SLC4A10: variants seen among roughly 807,000 people sequenced by gnomAD.
SLC4A10 encodes sodium-driven chloride bicarbonate exchanger.
SLC4A10 carries 42 observed loss-of-function variants against 137.7 expected under a neutral mutation model. That is an observed-to-expected ratio of 0.30 (90% confidence interval 0.24 to 0.39). SLC4A10 has a LOEUF of 0.39. Ranked by LOEUF, SLC4A10 falls within the 10% of genes least tolerant of loss-of-function variation. SLC4A10 has a pLI of 1.00. For missense variants in SLC4A10, 925 were observed against 1,355.0 expected, an observed-to-expected ratio of 0.68 and a Z score of 4.98; for synonymous variants, 474 against 464.1, an observed-to-expected ratio of 1.02 and a Z score of -0.27.
At chr2:161,784,188 A>G (rs189457388) in intron 2 of SLC4A10, among the ~76,000 whole-genome samples, 1 of 152,046 alleles carries the variant, frequency 6.6e-6, no homozygotes, top group East Asian at 1.9e-4. Flanking sequence ...GGAATATATA[A>G]CAATTGTAAG....
intron 1 of SLC4A10, among the ~76,000 whole-genome samples, chr2:161,649,948 A>C (rs1289781012): frequency 6.6e-6 from 1 of 152,162 alleles, no homozygotes; most frequent in Non-Finnish European, 1.5e-5. Flanking sequence ...TTCTTTACTC[A>C]ATTTCCTCTA....
chr2:161,834,060 C>T (rs79326929), intron 3 of SLC4A10, among the ~76,000 whole-genome samples: 18 of 152,300 alleles, frequency 1.2e-4, no homozygotes, highest in Non-Finnish European at 1.6e-4. Flanking sequence ...GGGCATAATG[C>T]GTTATTCTTT....
chr2:161,655,430 A>G (rs1185416162), intron 1 of SLC4A10, among the ~76,000 whole-genome samples: 8 of 152,122 alleles, frequency 5.3e-5, no homozygotes, highest in Admixed American at 6.5e-5. Context: ...TCATCCCTGC[A>G]TTTTCCCTGA....
chr2:161,849,067 C>A (rs959395580), intron 4 of SLC4A10, among the ~76,000 whole-genome samples: 1 of 152,058 alleles, frequency 6.6e-6, no homozygotes, highest in Non-Finnish European at 1.5e-5. Context: ...TTTGTGTCAT[C>A]TCTGATTTAT....
At chr2:161,731,035 G>T (rs2046774071) in intron 1 of SLC4A10, among the ~76,000 whole-genome samples, 1 of 152,080 alleles carries the variant, frequency 6.6e-6, no homozygotes, top group Non-Finnish European at 1.5e-5. Flanking sequence ...GTTTTGAATT[G>T]AAATTGTACT....
At chr2:161,635,167 A>AT (rs899790216) in intron 1 of SLC4A10, among the ~76,000 whole-genome samples, 9 of 151,796 alleles carry the variant, frequency 5.9e-5, no homozygotes, top group Admixed American at 3.3e-4. Context: ...CCCTTTATGT[A>AT]TTTTTTTTAA....
intron 11 of SLC4A10, among the ~76,000 whole-genome samples, chr2:161,896,870 A>G (rs1461571377): frequency 6.6e-6 from 1 of 152,108 alleles, no homozygotes; most frequent in African/African-American, 2.4e-5. Context: ...GCCCCTACTT[A>G]AAACATATTA....
chr2:161,660,592 CTTTCT>C (rs1553479862), intron 1 of SLC4A10, among the ~76,000 whole-genome samples: 1 of 118,764 alleles, frequency 8.4e-6, no homozygotes, highest in Non-Finnish European at 2.1e-5. Context: ...TTCTTTCTTT[CTTTCT>C]TTCTTTCTTT....
At chr2:161,763,425 T>C (rs1215464370) in intron 1 of SLC4A10, among the ~76,000 whole-genome samples, 1 of 151,998 alleles carries the variant, frequency 6.6e-6, no homozygotes, top group Non-Finnish European at 1.5e-5. Flanking sequence ...TTTATAAAGG[T>C]GTGGGCATAT....
At chr2:161,789,769 G>A (rs1048497206) in intron 2 of SLC4A10, among the ~76,000 whole-genome samples, 35 of 152,236 alleles carry the variant, frequency 2.3e-4, no homozygotes, top group African/African-American at 8.2e-4. Flanking sequence ...GACAGAGGTG[G>A]GCTTTGAAGG....
chr2:161,923,358 T>A (rs1301727678), intron 15 of SLC4A10, among the ~76,000 whole-genome samples: 1 of 152,204 alleles, frequency 6.6e-6, no homozygotes, highest in Non-Finnish European at 1.5e-5. Context: ...ACAACCCTTT[T>A]TCTGCTTTAT....
At chr2:161,813,358 T>C (rs2056738551) in intron 3 of SLC4A10, among the ~76,000 whole-genome samples, 1 of 152,124 alleles carries the variant, frequency 6.6e-6, no homozygotes, top group African/African-American at 2.4e-5. Flanking sequence ...CCAAATGCCC[T>C]GTACTTCTGC....
intron 8 of SLC4A10, among the ~76,000 whole-genome samples, chr2:161,877,177 G>T (rs2061493659): frequency 6.6e-6 from 1 of 151,836 alleles, no homozygotes; most frequent in Admixed American, 6.6e-5. Context: ...GTTGCCCGAG[G>T]CACAGACTTT....
At chr2:161,752,225 T>C (rs1420530587) in intron 1 of SLC4A10, among the ~76,000 whole-genome samples, 1 of 152,048 alleles carries the variant, frequency 6.6e-6, no homozygotes. Context: ...AATTTATTGC[T>C]TTCTGGCTCC....
chr2:161,875,557 C>T (rs2061409883), intron 8 of SLC4A10, among the ~76,000 whole-genome samples: 1 of 152,124 alleles, frequency 6.6e-6, no homozygotes, highest in South Asian at 2.1e-4. Context: ...TTTAGCTTCC[C>T]ATAATACTTT....
At chr2:161,859,296 C>CTTTTCT (rs796639016) in intron 5 of SLC4A10, among the ~76,000 whole-genome samples, 52 of 142,672 alleles carry the variant, frequency 3.6e-4, no homozygotes, top group African/African-American at 6.0e-4. Flanking sequence ...CTTTTCTTTT[C>CTTTTCT]TTTTTTTTTT....
At chr2:161,959,690 C>G (rs1437746358) in intron 21 of SLC4A10, among the ~76,000 whole-genome samples, 1 of 152,162 alleles carries the variant, frequency 6.6e-6, no homozygotes, top group African/African-American at 2.4e-5. Flanking sequence ...TCTTCAAAGT[C>G]ATACATGGTC....
chr2:161,751,501 A>G (rs548122329), intron 1 of SLC4A10, among the ~76,000 whole-genome samples: 2 of 151,468 alleles, frequency 1.3e-5, no homozygotes, highest in African/African-American at 4.8e-5. Flanking sequence ...GAAAAACTTA[A>G]TTTTTCCTGC....
intron 3 of SLC4A10, among the ~76,000 whole-genome samples, chr2:161,808,026 A>T (rs748372469): frequency 2.2e-4 from 33 of 152,018 alleles, no homozygotes; most frequent in Non-Finnish European, 3.5e-4. Context: ...TGGATTTTAT[A>T]TTTTTATGAA....
Sources: allele counts gnomAD v4.1 joint callset (sites outside exome capture counted in the v4.1 genomes callset), GRCh38; gene constraint gnomAD v4.1.1; transcripts MANE v1.5; gene names NCBI Gene and HGNC (gene_info 2026-07-23, HGNC 2026-07-21).